FTO: variants seen among roughly 807,000 people sequenced by gnomAD.
FTO encodes alpha-ketoglutarate-dependent dioxygenase FTO.
In FTO, 47 loss-of-function variants were observed where a neutral mutation model predicts 63.9. The observed-to-expected ratio is 0.74, with a 90% confidence interval of 0.58 to 0.94. The LOEUF is 0.94. Among genes scored for constraint, FTO ranks in the 40% least tolerant of loss-of-function variants. The pLI is 0.00. For synonymous variants in FTO, 207 were observed against 224.4 expected (o/e 0.92, Z 0.69); for missense variants, 562 against 618.1 (o/e 0.91, Z 0.96).
chr16:53,898,098 C>T (rs1055919330), intron 7 of FTO, among the ~76,000 whole-genome samples: 21 of 152,134 alleles, frequency 1.4e-4, no homozygotes, highest in African/African-American at 4.6e-4. Context: ...GTCAGGTCGT[C>T]GTTTCACTCC....
At chr16:53,716,075 G>A (rs1421520176) in intron 1 of FTO, among the ~76,000 whole-genome samples, 2 of 152,102 alleles carry the variant, frequency 1.3e-5, no homozygotes, top group Non-Finnish European at 2.9e-5. Context: ...GGGAGCATGG[G>A]CGCAATAGTA....
At chr16:53,997,410 GT>G (rs1174697846) in intron 8 of FTO, among the ~76,000 whole-genome samples, 1 of 152,146 alleles carries the variant, frequency 6.6e-6, no homozygotes, top group Non-Finnish European at 1.5e-5. Context: ...TATCAGGTGT[GT>G]TTGGGGTACT....
intron 8 of FTO, among the ~76,000 whole-genome samples, chr16:53,990,132 G>A (rs2083772391): frequency 6.6e-6 from 1 of 152,130 alleles, no homozygotes; most frequent in Non-Finnish European, 1.5e-5. Flanking sequence ...ATAAATTTTA[G>A]CCTGCAGGGG....
At chr16:53,886,520 T>C (rs1031031849) in intron 6 of FTO, among the ~76,000 whole-genome samples, 2 of 152,234 alleles carry the variant, frequency 1.3e-5, no homozygotes, top group African/African-American at 4.8e-5. Context: ...CTTGTATTAA[T>C]TCTTCTTTCA....
At chr16:53,909,880 A>G (rs571352564) in intron 7 of FTO, among the ~76,000 whole-genome samples, 22 of 151,734 alleles carry the variant, frequency 1.4e-4, no homozygotes, top group Admixed American at 4.6e-4. Flanking sequence ...CTCTTTTTTT[A>G]AACAATTTTT....
chr16:53,719,640 T>TG (rs1430260301), intron 1 of FTO, among the ~76,000 whole-genome samples: 3 of 151,570 alleles, frequency 2.0e-5, no homozygotes, highest in Non-Finnish European at 2.9e-5. Flanking sequence ...CTGTTTTTTT[T>TG]TTTTTTTTTT....
In FTO at chr16:54,062,496, T is replaced by A. The variant is rs115396651; in HGVS notation, c.1365-49266T>A. Among the ~76,000 whole-genome samples the A allele has an allele frequency of 4.6e-3, 704 of 152,264 alleles. 11 individuals are homozygous for A. The highest frequency in any genetic ancestry group is 0.016 in the African/African-American group (672 of 41,540). ...CACCTAAGAGCAGGTGACAAGAGCT[T>A]GGTGGCTTGCAGGAAGCACTGCAGT... On this transcript the variant is annotated intron_variant, in intron 8 of 8. Coordinates refer to ENST00000471389, the MANE Select transcript of FTO (RefSeq NM_001080432.3).
At chr16:53,710,248 A>G (rs141145779) in intron 1 of FTO, among the ~76,000 whole-genome samples, 1 of 145,308 alleles carries the variant, frequency 6.9e-6, no homozygotes, top group East Asian at 2.0e-4. Flanking sequence ...TTTCCTTATG[A>G]TTAGATTCAG....
At chr16:53,785,754 A>G (rs913383752) in intron 1 of FTO, among the ~76,000 whole-genome samples, 1 of 152,018 alleles carries the variant, frequency 6.6e-6, no homozygotes, top group Non-Finnish European at 1.5e-5. Flanking sequence ...TACTAAAAAT[A>G]CAAAAATTAG....
intron 8 of FTO, among the ~76,000 whole-genome samples, chr16:53,940,848 C>T (rs1272987312): frequency 2.0e-5 from 3 of 151,770 alleles, no homozygotes; most frequent in Non-Finnish European, 2.9e-5. Context: ...GGTAAAACAA[C>T]GGTCTTATTA....
intron 8 of FTO, among the ~76,000 whole-genome samples, chr16:54,104,854 G>A (rs902096590): frequency 1.3e-5 from 2 of 152,186 alleles, no homozygotes; most frequent in Admixed American, 1.3e-4. Flanking sequence ...GATGTCTTTC[G>A]TTTTTATTTG....
chr16:53,845,186 C>T (rs1323160634), intron 4 of FTO, among the ~76,000 whole-genome samples: 2 of 152,196 alleles, frequency 1.3e-5, no homozygotes, highest in Non-Finnish European at 2.9e-5. Context: ...AGGGTTTATT[C>T]TCTACTTGGC....
chr16:53,981,345 T>C (rs1255142547), intron 8 of FTO: 1 of 152,020 alleles, frequency 6.6e-6, no homozygotes, highest in East Asian at 1.9e-4. Flanking sequence ...GGGAGTAGAG[T>C]TCTAATGGCA....
intron 8 of FTO, chr16:54,040,752 G>A (rs989926053): frequency 1.4e-4 from 21 of 152,208 alleles, no homozygotes; most frequent in Admixed American, 1.2e-3. Context: ...AGAGAGTGGA[G>A]GAGTGATGCG....
At chr16:54,062,622 G>T (rs557411291) in intron 8 of FTO, among the ~76,000 whole-genome samples, 1 of 152,208 alleles carries the variant, frequency 6.6e-6, no homozygotes, top group Non-Finnish European at 1.5e-5. Flanking sequence ...TGCAGGAGGA[G>T]ATGCTGAACC....
At position 53,920,730 on chromosome 16, in the gene FTO, G is replaced by A. The variant is rs141794210; in HGVS notation, c.1240-13255G>A. 1.1e-4 allele frequency among the ~76,000 whole-genome samples: 17 copies of A among 152,262 alleles called. No homozygotes were observed. The East Asian group carries it at 3.3e-3, about 29-fold the overall frequency. ...TTTCATCTTTAAAATGGAGATGCTTGATATATGGTGATTGCTGGATGAAGT... is the reference window on the plus strand; with the variant it reads ...TTTCATCTTTAAAATGGAGATGCTTAATATATGGTGATTGCTGGATGAAGT... On this transcript the variant is annotated intron_variant, in intron 7 of 8. Transcript: ENST00000471389.
At chr16:53,785,861 G>C (rs1460384919) in intron 1 of FTO, among the ~76,000 whole-genome samples, 1 of 147,606 alleles carries the variant, frequency 6.8e-6, no homozygotes, top group East Asian at 2.0e-4. Flanking sequence ...AGTTAGCCGA[G>C]ATTCCGCCGC....
At chr16:54,067,266 C>G (rs535792180) in intron 8 of FTO, among the ~76,000 whole-genome samples, 27 of 151,910 alleles carry the variant, frequency 1.8e-4, no homozygotes, top group Non-Finnish European at 3.2e-4. Context: ...GATTAAAACA[C>G]AAGCAAAAAC....
chr16:53,939,495 G>T (rs1285349791), intron 8 of FTO, among the ~76,000 whole-genome samples: 4 of 152,136 alleles, frequency 2.6e-5, no homozygotes, highest in Non-Finnish European at 4.4e-5. Flanking sequence ...TCGTTTTAAA[G>T]TGTACAGTTA....
Sources: gnomAD v4.1 joint callset for allele counts (sites outside exome capture counted in the v4.1 genomes callset) on GRCh38, gnomAD v4.1.1 for gene constraint, MANE v1.5 for transcripts, NCBI Gene and HGNC (gene_info 2026-07-23, HGNC 2026-07-21) for gene names.